DLG2: variants seen among roughly 807,000 people sequenced by gnomAD.
The protein encoded by DLG2 is disks large homolog 2.
DLG2 carries 45 observed loss-of-function variants against 132.5 expected under a neutral mutation model. That is an observed-to-expected ratio of 0.34 (90% CI 0.27 to 0.44). The LOEUF (loss-of-function observed/expected upper bound fraction) is 0.44, where lower values mean the gene tolerates loss of function less well. Among genes scored for constraint, DLG2 ranks in the 20% least tolerant of loss-of-function variants. The pLI is 1.00. For missense variants in DLG2, 1,045 were observed against 1,196.9 expected, an observed-to-expected ratio of 0.87 and a Z score of 1.87; for synonymous variants, 424 against 419.6, an observed-to-expected ratio of 1.01 and a Z score of -0.13.
chr11:84,556,181 T>C (rs2099411615), intron 6 of DLG2, among the ~76,000 whole-genome samples: 1 of 152,186 alleles, frequency 6.6e-6, no homozygotes, highest in Admixed American at 6.5e-5. Flanking sequence ...TCTGGGCCCA[T>C]CTTTTGCCTG....
At chr11:83,913,568 C>T (rs1462709644) in intron 15 of DLG2, among the ~76,000 whole-genome samples, 1 of 151,972 alleles carries the variant, frequency 6.6e-6, no homozygotes, top group Non-Finnish European at 1.5e-5. Flanking sequence ...GAGGAGGTCC[C>T]CTCACCCATG....
At chr11:84,095,957 C>T (rs1210786025) in intron 10 of DLG2, among the ~76,000 whole-genome samples, 2 of 151,822 alleles carry the variant, frequency 1.3e-5, no homozygotes, top group East Asian at 3.9e-4. Context: ...TGGGTAGAGG[C>T]CAAAAAAAGG....
chr11:85,291,629 C>T (rs563788), intron 3 of DLG2, among the ~76,000 whole-genome samples: 112,619 of 149,252 alleles, frequency 0.75, 43,263 homozygotes, highest in Middle Eastern at 0.85. Context: ...CTGTCATCCA[C>T]GTTGGAATGC....
chr11:84,668,104 A>G (rs2099701808), intron 6 of DLG2, among the ~76,000 whole-genome samples: 1 of 152,132 alleles, frequency 6.6e-6, no homozygotes, highest in African/African-American at 2.4e-5. Flanking sequence ...AGATAAAGAT[A>G]GTAACGCCCA....
At chr11:84,579,481 C>T (rs189763789) in intron 6 of DLG2, among the ~76,000 whole-genome samples, 1 of 152,042 alleles carries the variant, frequency 6.6e-6, no homozygotes, top group Non-Finnish European at 1.5e-5. Context: ...AGTAATTAAT[C>T]ATGCAGTGAA....
At chr11:85,419,478 T>C (rs922705781) in intron 3 of DLG2, among the ~76,000 whole-genome samples, 1 of 152,236 alleles carries the variant, frequency 6.6e-6, no homozygotes, top group East Asian at 1.9e-4. Context: ...CCTACCTTTC[T>C]AGGTTGGGGA....
At chr11:84,859,620 A>G (rs1363421994) in intron 6 of DLG2, among the ~76,000 whole-genome samples, 1 of 151,804 alleles carries the variant, frequency 6.6e-6, no homozygotes, top group African/African-American at 2.4e-5. Flanking sequence ...AATAACAAGT[A>G]GTAAACATAG....
At chr11:85,191,172 A>G (rs1049016869) in intron 4 of DLG2, among the ~76,000 whole-genome samples, 25 of 147,106 alleles carry the variant, frequency 1.7e-4, no homozygotes, top group African/African-American at 4.8e-4. Flanking sequence ...GCACACACAC[A>G]CACACACACA....
At chr11:84,511,632 A>G (rs1565151362) in intron 7 of DLG2, among the ~76,000 whole-genome samples, 1 of 152,178 alleles carries the variant, frequency 6.6e-6, no homozygotes, top group Non-Finnish European at 1.5e-5. Flanking sequence ...TAAATAATCC[A>G]CTGCTTATTT....
intron 6 of DLG2, among the ~76,000 whole-genome samples, chr11:84,537,252 G>A (rs897645528): frequency 5.3e-5 from 8 of 151,926 alleles, no homozygotes; most frequent in Admixed American, 1.3e-4. Context: ...GACTACAGGC[G>A]GGCACCACCA....
At chr11:83,513,585 A>G (rs1371083430) in intron 21 of DLG2, among the ~76,000 whole-genome samples, 2 of 152,174 alleles carry the variant, frequency 1.3e-5, no homozygotes, top group African/African-American at 4.8e-5. Context: ...TTAGTGGTTT[A>G]CACATGAAGT....
At chr11:84,334,602 G>A (rs2098475441) in intron 7 of DLG2, among the ~76,000 whole-genome samples, 1 of 152,116 alleles carries the variant, frequency 6.6e-6, no homozygotes, top group Admixed American at 6.5e-5. Flanking sequence ...AACAATTTGG[G>A]TGTATTCATT....
At chr11:85,548,136 G>A (rs1176021702) in intron 3 of DLG2, among the ~76,000 whole-genome samples, 1 of 152,066 alleles carries the variant, frequency 6.6e-6, no homozygotes, top group African/African-American at 2.4e-5. Context: ...TTTACCTTTG[G>A]TCTTTGAAGT....
chr11:85,021,954 C>G (rs569762470), intron 6 of DLG2, among the ~76,000 whole-genome samples: 1 of 152,178 alleles, frequency 6.6e-6, no homozygotes, highest in African/African-American at 2.4e-5. Context: ...AGGCAAAATT[C>G]TCTGAACACA....
chr11:83,943,744 C>A (rs528584224), intron 14 of DLG2, among the ~76,000 whole-genome samples: 1 of 152,310 alleles, frequency 6.6e-6, no homozygotes, highest in South Asian at 2.1e-4. Flanking sequence ...TGCATCTATT[C>A]ACTCAACATA....
chr11:84,743,794 G>A (rs1452832823), intron 6 of DLG2, among the ~76,000 whole-genome samples: 1 of 151,504 alleles, frequency 6.6e-6, no homozygotes, highest in Non-Finnish European at 1.5e-5. Flanking sequence ...GCACGATCTT[G>A]GCTCACTGCA....
At chr11:84,487,627 A>G (rs1435051952) in intron 7 of DLG2, among the ~76,000 whole-genome samples, 1 of 152,220 alleles carries the variant, frequency 6.6e-6, no homozygotes. Flanking sequence ...TGTAAGATAC[A>G]GTAACATACT....
intron 22 of DLG2, among the ~76,000 whole-genome samples, chr11:83,478,261 G>T (rs1175044553): frequency 6.6e-6 from 1 of 152,022 alleles, no homozygotes; most frequent in East Asian, 1.9e-4. Context: ...CTGTGATAAA[G>T]ACTCTTCTTA....
intron 7 of DLG2, among the ~76,000 whole-genome samples, chr11:84,456,481 T>A (rs1454342168): frequency 1.3e-5 from 2 of 151,470 alleles, no homozygotes; most frequent in South Asian, 2.1e-4. Context: ...CTTTGTGAAG[T>A]CATGAACTAA....
Sources: gnomAD v4.1 joint callset for allele counts (sites outside exome capture counted in the v4.1 genomes callset) on GRCh38, gnomAD v4.1.1 for gene constraint, MANE v1.5 for transcripts, NCBI Gene and HGNC (gene_info 2026-07-23, HGNC 2026-07-21) for gene names.